The following QTMAN variants were observed in gnomAD, a reference collection of about 807,000 sequenced individuals.
QTMAN encodes tRNA-queuosine alpha-mannosyltransferase.
chr2:143,986,811 C>T, the QTMAN span, among the ~76,000 whole-genome samples: 1 of 152,288 alleles, frequency 6.6e-6, no homozygotes, highest in East Asian at 1.9e-4. Flanking sequence ...TGTGTATCTC[C>T]TATTCTTTTG....
At chr2:143,940,776 T>G in the QTMAN span, 1 of 152,320 alleles carries the variant, frequency 6.6e-6, no homozygotes, top group Non-Finnish European at 1.5e-5. Context: ...TGATGAAGGG[T>G]CAGCTTTATA....
the QTMAN span, among the ~76,000 whole-genome samples, chr2:144,109,501 T>C: frequency 2.0e-5 from 3 of 152,094 alleles, no homozygotes; most frequent in Non-Finnish European, 2.9e-5. Context: ...GACTTCATGT[T>C]CAGAACACCA....
the QTMAN span, among the ~76,000 whole-genome samples, chr2:143,982,291 C>T: frequency 7.3e-5 from 11 of 151,188 alleles, no homozygotes; most frequent in African/African-American, 1.7e-4. Flanking sequence ...AGTGCAATGG[C>T]GTGATCTCAG....
At chr2:144,179,696 T>C in the QTMAN span, among the ~76,000 whole-genome samples, 15 of 152,030 alleles carry the variant, frequency 9.9e-5, no homozygotes, top group Admixed American at 6.6e-4. Context: ...TAGACAAGAG[T>C]TGCCTACAAA....
At chr2:144,093,956 A>C in the QTMAN span, among the ~76,000 whole-genome samples, 1 of 152,202 alleles carries the variant, frequency 6.6e-6, no homozygotes, top group Admixed American at 6.5e-5. Context: ...GGCATGACCA[A>C]TCTCCAAACA....
chr2:144,179,672 G>A, the QTMAN span, among the ~76,000 whole-genome samples: 1 of 152,100 alleles, frequency 6.6e-6, no homozygotes, highest in African/African-American at 2.4e-5. Flanking sequence ...CAAACAGAAA[G>A]GCCTAAGATC....
the QTMAN span, among the ~76,000 whole-genome samples, chr2:144,249,887 G>A: frequency 3.9e-5 from 6 of 151,910 alleles, no homozygotes; most frequent in African/African-American, 1.5e-4. Context: ...ATCAATTTTC[G>A]AAAAATATAT....
the QTMAN span, among the ~76,000 whole-genome samples, chr2:144,074,938 C>T: frequency 6.6e-6 from 1 of 152,160 alleles, no homozygotes; most frequent in East Asian, 1.9e-4. Context: ...TAGTTTCCTC[C>T]TTGAAGTACA....
the QTMAN span, among the ~76,000 whole-genome samples, chr2:144,116,923 G>C: frequency 4.6e-5 from 7 of 152,264 alleles, no homozygotes; most frequent in African/African-American, 1.7e-4. Flanking sequence ...CTATGCTATT[G>C]AGGGTCCTGG....
At chr2:143,987,904 A>C in the QTMAN span, among the ~76,000 whole-genome samples, 1 of 152,152 alleles carries the variant, frequency 6.6e-6, no homozygotes, top group Non-Finnish European at 1.5e-5. Flanking sequence ...AAACACAAAA[A>C]ATCTGTGGGC....
At chr2:144,028,108 A>C in the QTMAN span, among the ~76,000 whole-genome samples, 12 of 152,198 alleles carry the variant, frequency 7.9e-5, no homozygotes, top group Non-Finnish European at 1.6e-4. Flanking sequence ...AAAAGTCATA[A>C]ATGTAATATT....
the QTMAN span, among the ~76,000 whole-genome samples, chr2:144,203,898 G>T: frequency 6.6e-5 from 10 of 152,086 alleles, no homozygotes; most frequent in Non-Finnish European, 1.5e-4. Flanking sequence ...AATGGGGAAA[G>T]GATTCCCTAT....
At chr2:144,110,326 G>T in the QTMAN span, among the ~76,000 whole-genome samples, 2 of 152,092 alleles carry the variant, frequency 1.3e-5, no homozygotes, top group Non-Finnish European at 2.9e-5. Context: ...TCACTCATAG[G>T]TGGGAACTGA....
At chr2:144,239,034 T>C in the QTMAN span, among the ~76,000 whole-genome samples, 1 of 151,988 alleles carries the variant, frequency 6.6e-6, no homozygotes, top group Non-Finnish European at 1.5e-5. Context: ...TCTGCACTTC[T>C]GCCACCAGAG....
the QTMAN span, among the ~76,000 whole-genome samples, chr2:144,225,664 T>A: frequency 6.6e-6 from 1 of 152,200 alleles, no homozygotes; most frequent in Non-Finnish European, 1.5e-5. Flanking sequence ...TCATGACCTG[T>A]CAAATTCCTA....
chr2:143,947,985 G>C, the QTMAN span, among the ~76,000 whole-genome samples: 1 of 152,068 alleles, frequency 6.6e-6, no homozygotes, highest in South Asian at 2.1e-4. Flanking sequence ...AATTGTGCTG[G>C]TGCAGTTGAG....
At chr2:144,296,767 A>C in the QTMAN span, among the ~76,000 whole-genome samples, 1 of 152,032 alleles carries the variant, frequency 6.6e-6, no homozygotes, top group East Asian at 1.9e-4. Flanking sequence ...CCCAACATGA[A>C]CTTTCACCCA....
At chr2:144,085,350 G>A in the QTMAN span, among the ~76,000 whole-genome samples, 2 of 152,200 alleles carry the variant, frequency 1.3e-5, no homozygotes, top group Non-Finnish European at 2.9e-5. Flanking sequence ...GGTACTGGAT[G>A]CCTTGTCAAA....
the QTMAN span, among the ~76,000 whole-genome samples, chr2:144,034,726 TA>T: frequency 6.6e-6 from 1 of 152,220 alleles, no homozygotes; most frequent in Admixed American, 6.5e-5. Context: ...GGAGTTCAAT[TA>T]AAGTCAATGT....
Sources: gnomAD v4.1 joint callset for allele counts (sites outside exome capture counted in the v4.1 genomes callset) on GRCh38, gnomAD v4.1.1 for gene constraint, MANE v1.5 for transcripts, NCBI Gene and HGNC (gene_info 2026-07-23, HGNC 2026-07-21) for gene names.